PITPNB: variants seen among roughly 807,000 people sequenced by gnomAD.
The protein encoded by PITPNB is phosphatidylinositol transfer protein beta isoform.
Under a neutral mutation model 45.9 loss-of-function variants are expected in PITPNB, and 16 were observed. The ratio of observed to expected loss-of-function variants is 0.35; its 90% CI spans 0.24 to 0.53. The LOEUF is 0.53. PITPNB is among the 20% of genes least tolerant of loss of function. The probability of loss-of-function intolerance (pLI) is 0.93; values close to 1 mark genes in which losing one functional copy is unlikely to be tolerated. For synonymous variants in PITPNB, 112 were observed against 108.9 expected (o/e 1.03, Z -0.18); for missense variants, 188 against 330.5 (o/e 0.57, Z 3.34).
chr22:27,860,795 A>G (rs1262915119), intron 8 of PITPNB, among the ~76,000 whole-genome samples: 1 of 152,208 alleles, frequency 6.6e-6, no homozygotes, highest in Non-Finnish European at 1.5e-5. Context: ...ACAGACTTCA[A>G]TTTCCACAAA....
intron 7 of PITPNB, among the ~76,000 whole-genome samples, chr22:27,877,608 T>C (rs148947625): frequency 4.0e-3 from 604 of 152,332 alleles, no homozygotes; most frequent in Admixed American, 9.3e-3. Flanking sequence ...GAAACCGGAT[T>C]CATTTCGAAT....
chr22:27,910,929 G>A, intron 3 of PITPNB, 35 bp downstream of exon 3: 4 of 1,562,532 alleles, frequency 2.6e-6, no homozygotes, highest in East Asian at 2.2e-5. Flanking sequence ...AGTAAGCCAG[G>A]TAGTTACAAG....
rs1172177296 is a variant in PITPNB at position 27,916,651 on chromosome 22, A to T, written c.21-2304T>A. 2.0e-5 allele frequency among the ~76,000 whole-genome samples: 3 copies of T among 152,170 alleles called. No individual in the cohort carries two copies. The East Asian group carries it at 5.8e-4, about 29-fold the overall frequency. On this transcript the variant is annotated intron_variant, in intron 1 of 11. Coordinates refer to ENST00000335272, the MANE Select transcript of PITPNB (RefSeq NM_012399.5). The stretch of plus-strand genomic sequence containing the variant: ...CCCTGTCTCTACTAAAAATACAAAA[A>T]ATTTAGCCGGTCATGGTGGCGTGCG...
rs770055362 is a variant in PITPNB, at chr22:27,919,217, C to T, written c.-26G>A. 3 of 1,600,636 alleles carry T rather than the reference C, an allele frequency of 1.9e-6. No homozygotes were observed. ...CTTCCCGGAACCCCCTCACAGCTGCCGCCGATACCACCGCCGCCGCCGCCG... is the reference window on the plus strand; with the variant it reads ...CTTCCCGGAACCCCCTCACAGCTGCTGCCGATACCACCGCCGCCGCCGCCG... On this transcript the variant is annotated 5_prime_UTR_variant, in exon 1 of 12. Coordinates refer to ENST00000335272, the MANE Select transcript of PITPNB (RefSeq NM_012399.5).
Position 27,873,745 on chromosome 22 carries a change from T to C in PITPNB, c.527A>G (p.Asn176Ser), listed in dbSNP as rs374909387. The C allele has an allele frequency of 1.6e-5, 25 of 1,604,392 alleles. No individual in the cohort carries two copies. The African/African-American group carries it at 1.7e-4, about 11-fold the overall frequency. ...AAGGTCAGCATCCAGTACCTTCCAG[T>C]TGGGTCCCAAAGGGCCTCTCTTGGT... ...VKTKRGPLGP[N>S]WKKELANSPD... Residue 176 changes from asparagine to serine, a missense_variant, in exon 8 of 12, where the codon AAC becomes AGC. Coordinates refer to ENST00000335272, the MANE Select transcript of PITPNB (RefSeq NM_012399.5).
intron 7 of PITPNB, among the ~76,000 whole-genome samples, chr22:27,876,386 C>G (rs1378037225): frequency 6.6e-6 from 1 of 152,120 alleles, no homozygotes; most frequent in African/African-American, 2.4e-5. Context: ...CTCTTGAATA[C>G]AAAGCAGAAA....
At chr22:27,886,998 A>G (rs1485544488) in intron 7 of PITPNB, among the ~76,000 whole-genome samples, 1 of 152,256 alleles carries the variant, frequency 6.6e-6, no homozygotes, top group Admixed American at 6.5e-5. Context: ...CCACAAGTAC[A>G]AACTTTGAGG....
intron 7 of PITPNB, among the ~76,000 whole-genome samples, chr22:27,889,107 T>A (rs1309893964): frequency 2.0e-5 from 3 of 152,172 alleles, no homozygotes; most frequent in Admixed American, 1.3e-4. Flanking sequence ...CAAGCACAAC[T>A]GCGCTGGGAG....
chr22:27,868,576 C>G (rs1399583867), intron 8 of PITPNB, among the ~76,000 whole-genome samples: 1 of 152,202 alleles, frequency 6.6e-6, no homozygotes, highest in Non-Finnish European at 1.5e-5. Flanking sequence ...GAGTCTAAAG[C>G]TGACTGAGCA....
intron 2 of PITPNB, among the ~76,000 whole-genome samples, chr22:27,912,319 A>G (rs1434422056): frequency 6.6e-6 from 1 of 152,210 alleles, no homozygotes; most frequent in Non-Finnish European, 1.5e-5. Context: ...GAAACCAAAC[A>G]TATTTCTTAA....
chr22:27,915,003 A>G (rs890916607), intron 1 of PITPNB, among the ~76,000 whole-genome samples: 1 of 152,226 alleles, frequency 6.6e-6, no homozygotes, highest in Admixed American at 6.5e-5. Context: ...AAAAGATGTC[A>G]TTATAGCTCC....
In PITPNB at chr22:27,866,211, T is replaced by C. The variant is rs1268864760; in HGVS notation, c.535-5970A>G. On this transcript the variant is annotated intron_variant, in intron 8 of 11. Transcript: ENST00000335272. Reference sequence around the variant, plus strand: ...TCATTGCTACGTAATTTAAATTTCATCTGTAATACAGTAAGCACTAGTTGT... The same window carrying C: ...TCATTGCTACGTAATTTAAATTTCACCTGTAATACAGTAAGCACTAGTTGT... 2.6e-5 allele frequency among the ~76,000 whole-genome samples: 4 copies of C among 152,374 alleles called. No individual in the cohort carries two copies. The East Asian group carries it at 7.7e-4, about 29-fold the overall frequency.
At position 27,919,155 on chromosome 22, in the gene PITPNB, C is replaced by T; in HGVS notation, c.20+17G>A. 1 of 1,614,028 alleles carries T rather than the reference C, an allele frequency of 6.2e-7. No individual in the cohort carries two copies. ...CTGCCGTCCCACGGCCTCGCTCGCGCCCACAGACCCACTCACAATTCCTTG... is the reference window on the plus strand; with the variant it reads ...CTGCCGTCCCACGGCCTCGCTCGCGTCCACAGACCCACTCACAATTCCTTG... On this transcript the variant is annotated intron_variant, in intron 1 of 11. Coordinates refer to ENST00000335272, the MANE Select transcript of PITPNB (RefSeq NM_012399.5).
intron 8 of PITPNB, among the ~76,000 whole-genome samples, chr22:27,865,541 A>C (rs1183176779): frequency 6.6e-6 from 1 of 152,168 alleles, no homozygotes; most frequent in Non-Finnish European, 1.5e-5. Context: ...AAATGTGAAA[A>C]ATCTCAATGG....
chr22:27,902,462 G>A (rs530251745), intron 3 of PITPNB, among the ~76,000 whole-genome samples: 1 of 152,314 alleles, frequency 6.6e-6, no homozygotes, highest in African/African-American at 2.4e-5. Context: ...CCTGATTTCA[G>A]TTTTACGACC....
chr22:27,919,066 T>G lies in PITPNB; in HGVS notation c.20+106A>C, dbSNP rs1223213482. The G allele has an allele frequency of 3.8e-6, 6 of 1,571,186 alleles. No individual in the cohort carries two copies. In the African/African-American group the frequency reaches 8.1e-5, roughly 21 times the overall value. On this transcript the variant is annotated intron_variant, in intron 1 of 11. Coordinates refer to ENST00000335272, the MANE Select transcript of PITPNB (RefSeq NM_012399.5). ...GGAGGGGGCGCCCGCAGGGAGGGGCTGACACAGGGCTGACTCCGATTTAGG... is the reference window on the plus strand; with the variant it reads ...GGAGGGGGCGCCCGCAGGGAGGGGCGGACACAGGGCTGACTCCGATTTAGG...
At position 27,885,212 on chromosome 22, in the gene PITPNB, T is replaced by TAAAAAAAAAAAAAAAA. The variant is rs71194746; in HGVS notation, c.456+9327_456+9342dup. ...AAAGAGCCAGATTCAAATTTATACCTAAAAAAAAAAAAAAAAAAAAAAAAA... is the reference window on the plus strand; with the variant it reads ...AAAGAGCCAGATTCAAATTTATACCTAAAAAAAAAAAAAAAAAAAAAAAAAAAAAAAAAAAAAAAAA... On this transcript the variant is annotated intron_variant, in intron 7 of 11. Coordinates refer to ENST00000335272, the MANE Select transcript of PITPNB (RefSeq NM_012399.5). Among the ~76,000 whole-genome samples, 21 of 30,234 alleles carry TAAAAAAAAAAAAAAAA rather than the reference T, an allele frequency of 6.9e-4. 3 individuals carry two copies. The highest frequency in any genetic ancestry group is 1.2e-3 in the East Asian group (1 of 820). The allele number at this position is 30,234 out of a possible 152,430, so 19.8% of individuals were successfully genotyped here.
intron 10 of PITPNB, among the ~76,000 whole-genome samples, chr22:27,857,603 T>G (rs1391047701): frequency 2.6e-5 from 4 of 152,212 alleles, no homozygotes; most frequent in African/African-American, 9.7e-5. Flanking sequence ...GGACTCGAGA[T>G]GACCACATGG....
At chr22:27,898,960 G>T (rs902676509) in intron 3 of PITPNB, among the ~76,000 whole-genome samples, 1 of 152,186 alleles carries the variant, frequency 6.6e-6, no homozygotes, top group Non-Finnish European at 1.5e-5. Flanking sequence ...CTGATATAGT[G>T]ACTGGAGCCT....
Sources: gnomAD v4.1 joint callset for allele counts (sites outside exome capture counted in the v4.1 genomes callset) on GRCh38, gnomAD v4.1.1 for gene constraint, MANE v1.5 for transcripts, NCBI Gene and HGNC (gene_info 2026-07-23, HGNC 2026-07-21) for gene names.